LRRC8C: variants seen among roughly 807,000 people sequenced by gnomAD.
The protein encoded by LRRC8C is leucine rich repeat containing 8 VRAC subunit C.
A neutral mutation model predicts 55.3 loss-of-function variants in LRRC8C; 20 were observed. That is an observed-to-expected ratio of 0.36 (90% confidence interval 0.25 to 0.53). The LOEUF is 0.53. LRRC8C is among the 20% of genes least tolerant of loss of function. The pLI, the probability that LRRC8C is intolerant of heterozygous loss-of-function variation, is 0.92. For synonymous variants in LRRC8C, 376 were observed against 360.7 expected (o/e 1.04, Z -0.48); for missense variants, 659 against 951.4 (o/e 0.69, Z 4.04).
rs1437490156 is a variant in LRRC8C, at chr1:89,694,587, T to TC, written c.138+7976_138+7977insC. Among the ~76,000 whole-genome samples, 49 of 137,098 alleles carry TC rather than the reference T, an allele frequency of 3.6e-4. No individual in the cohort carries two copies. In the East Asian group the frequency reaches 6.4e-3, roughly 18 times the overall value. The allele number at this position is 137,098 out of a possible 152,430, so 89.9% of individuals were successfully genotyped here. On this transcript the variant is annotated intron_variant, in intron 2 of 2. Coordinates refer to ENST00000370454, the MANE Select transcript of LRRC8C (RefSeq NM_032270.5). Reference sequence around the variant, plus strand: ...GTGCGTGACACCATGCCCAGCTTCTTTTTTTTTTTTTTTTTTTTTTGAGAT... The same window carrying TC: ...GTGCGTGACACCATGCCCAGCTTCTTCTTTTTTTTTTTTTTTTTTTTGAGAT...
At position 89,713,705 on chromosome 1, in the gene LRRC8C, C is replaced by T; in HGVS notation, c.1135C>T (p.Gln379Ter). ...TGCTTTTATGCTTCATATGATAGAT[C>T]AGTATGACCCTCTCTATTCCAAGAG... ...DFAFMLHMID[Q>*]YDPLYSKRFA... The change falls in exon 3 of 3, where the codon CAG (glutamine) becomes TAG (stop). Residue 379 changes from glutamine (Q) to a stop codon, truncating the protein, a stop_gained. Transcript: ENST00000370454. LOFTEE classifies it high-confidence loss of function. The surrounding 1 kb of genome is among the most constrained non-coding windows in gnomAD (Gnocchi z 5.2). 1 of 1,614,136 alleles carries T rather than the reference C, an allele frequency of 6.2e-7. No individual in the cohort carries two copies. Among genetic ancestry groups the T allele is most frequent in the Non-Finnish European group, 8.5e-7 (1 of 1,180,016 alleles).
At chr1:89,637,899 G>A (rs1226048655) in intron 1 of LRRC8C, among the ~76,000 whole-genome samples, 2 of 152,082 alleles carry the variant, frequency 1.3e-5, no homozygotes, top group African/African-American at 2.4e-5. Flanking sequence ...TCTGGTATTC[G>A]ATGGGTGTTC....
Position 89,670,822 on chromosome 1 carries a change from G to A in LRRC8C, c.-4-15648G>A, listed in dbSNP as rs1657392985. ...TTTCTGTTTTCATATCTTCATCCCA[G>A]GGCAGTCCCATGCTTGGTTTTATAC... On this transcript the variant is annotated intron_variant, in intron 1 of 2. Coordinates refer to ENST00000370454, the MANE Select transcript of LRRC8C (RefSeq NM_032270.5). 2.6e-5 allele frequency among the ~76,000 whole-genome samples: 4 copies of A among 152,068 alleles called. No homozygotes were observed. The South Asian group carries it at 8.3e-4, about 32-fold the overall frequency.
At chr1:89,682,648 G>A (rs992236443) in intron 1 of LRRC8C, among the ~76,000 whole-genome samples, 2 of 152,200 alleles carry the variant, frequency 1.3e-5, no homozygotes, top group African/African-American at 4.8e-5. Flanking sequence ...GCACTAGACT[G>A]TGCTGAAGGG....
intron 1 of LRRC8C, among the ~76,000 whole-genome samples, chr1:89,674,468 T>C (rs1343670836): frequency 1.3e-5 from 2 of 152,228 alleles, no homozygotes; most frequent in Non-Finnish European, 2.9e-5. Flanking sequence ...ATGTTAAATA[T>C]AGAGCCAAAC....
chr1:89,661,892 T>C (rs939544787), intron 1 of LRRC8C, among the ~76,000 whole-genome samples: 2 of 151,932 alleles, frequency 1.3e-5, no homozygotes, highest in Non-Finnish European at 2.9e-5. Flanking sequence ...GGAGTAGTGA[T>C]AGAAATGGTG....
rs1328064529 is a variant in LRRC8C at position 89,689,938 on chromosome 1, CT to C, written c.138+3328del. Among the ~76,000 whole-genome samples the C allele has an allele frequency of 1.1e-4, 17 of 150,196 alleles. No homozygotes were observed. The East Asian group carries it at 2.7e-3, about 24-fold the overall frequency. ...CCTGGGTGACAAAGCAAGACTCCGT[CT>C]CAAAAAAAAAAAGAGAGAAATCAAG... On this transcript the variant is annotated intron_variant, in intron 2 of 2. Coordinates refer to ENST00000370454, the MANE Select transcript of LRRC8C (RefSeq NM_032270.5).
At chr1:89,675,037 C>T (rs1657515314) in intron 1 of LRRC8C, among the ~76,000 whole-genome samples, 1 of 152,142 alleles carries the variant, frequency 6.6e-6, no homozygotes, top group African/African-American at 2.4e-5. Flanking sequence ...GTTGCTTTAG[C>T]TTCCTTGTCA....
upstream of LRRC8C, among the ~76,000 whole-genome samples, chr1:89,631,341 T>A (rs1656102887): frequency 6.6e-6 from 1 of 152,092 alleles, no homozygotes; most frequent in African/African-American, 2.4e-5. Context: ...GAGTACAAAG[T>A]CTAAGGTTCA....
chr1:89,674,729 G>A (rs1657508611), intron 1 of LRRC8C, among the ~76,000 whole-genome samples: 1 of 152,126 alleles, frequency 6.6e-6, no homozygotes, highest in Non-Finnish European at 1.5e-5. Flanking sequence ...AAGCTCCAAA[G>A]ATAATTAGTC....
chr1:89,714,811 A>G lies in LRRC8C; in HGVS notation c.2241A>G (p.Lys747=), dbSNP rs937712581. 6.8e-6 allele frequency: 11 copies of G among 1,613,970 alleles called. No individual in the cohort carries two copies. Among genetic ancestry groups the G allele is most frequent in the Non-Finnish European group, 9.3e-6 (11 of 1,180,012 alleles). The change falls in exon 3 of 3, where the codon AAA becomes AAG. Residue 747 remains lysine, a synonymous_variant. Coordinates refer to ENST00000370454, the MANE Select transcript of LRRC8C (RefSeq NM_032270.5). The surrounding 1 kb of genome is among the most constrained non-coding windows in gnomAD (Gnocchi z 4.6). ...ACAGCCTATCTGTACTTTCACCGAA[A>G]ATTGGAAATTTGCTATTTCTTTCCT... is the stretch of plus-strand genomic sequence containing the variant. ...GKNSLSVLSP[K]IGNLLFLSYL...
chr1:89,710,457 A>T (rs909342149), intron 2 of LRRC8C, among the ~76,000 whole-genome samples: 1 of 152,202 alleles, frequency 6.6e-6, no homozygotes, highest in Admixed American at 6.5e-5. Context: ...TATTTGACAT[A>T]TTGATTGATG....
At chr1:89,637,719 T>C (rs1656329432) in intron 1 of LRRC8C, among the ~76,000 whole-genome samples, 1 of 152,100 alleles carries the variant, frequency 6.6e-6, no homozygotes, top group South Asian at 2.1e-4. Flanking sequence ...AGAACTTTGT[T>C]TGAAATACAT....
rs1658870724 is a variant in LRRC8C at position 89,717,879 on chromosome 1, T to C, written c.*2897T>C. 1 of 152,168 alleles carries C rather than the reference T, an allele frequency of 6.6e-6. No individual in the cohort carries two copies. Among genetic ancestry groups the C allele is most frequent in the Admixed American group, 6.6e-5 (1 of 15,262 alleles). The allele number at this position is 152,168 out of a possible 1,614,324, so 9.4% of individuals were successfully genotyped here. ...CTCTATAGGACTCATGAGAGATTGC[T>C]TGTGTAAATATAAAAGCACCATATG... On this transcript the variant is annotated 3_prime_UTR_variant, in exon 3 of 3. Coordinates refer to ENST00000370454, the MANE Select transcript of LRRC8C (RefSeq NM_032270.5).
At chr1:89,680,478 T>C (rs1319358274) in intron 1 of LRRC8C, among the ~76,000 whole-genome samples, 3 of 151,260 alleles carry the variant, frequency 2.0e-5, no homozygotes, top group African/African-American at 2.5e-5. Flanking sequence ...TTTTTTTTTT[T>C]CTGGTCTGGA....
At chr1:89,680,726 A>C (rs897860246) in intron 1 of LRRC8C, among the ~76,000 whole-genome samples, 8 of 151,870 alleles carry the variant, frequency 5.3e-5, no homozygotes, top group African/African-American at 1.9e-4. Flanking sequence ...ACATCTGGCT[A>C]AGTTTTGTAT....
intron 1 of LRRC8C, among the ~76,000 whole-genome samples, chr1:89,681,060 T>C (rs1293141556): frequency 2.6e-5 from 4 of 152,198 alleles, no homozygotes; most frequent in Non-Finnish European, 5.9e-5. Context: ...TTGGAGGAAA[T>C]ATAAAATAGA....
chr1:89,639,336 TCAC>T (rs959577238), intron 1 of LRRC8C, among the ~76,000 whole-genome samples: 2 of 151,980 alleles, frequency 1.3e-5, no homozygotes, highest in African/African-American at 4.8e-5. Context: ...AGATTTCAGT[TCAC>T]AACAAGTAGA....
intron 2 of LRRC8C, among the ~76,000 whole-genome samples, chr1:89,690,460 A>G (rs983084410): frequency 6.6e-6 from 1 of 152,166 alleles, no homozygotes; most frequent in African/African-American, 2.4e-5. Context: ...TGTCTTTATT[A>G]CTGTGCCATG....
Sources: gnomAD v4.1 joint callset for allele counts (sites outside exome capture counted in the v4.1 genomes callset) on GRCh38, gnomAD v4.1.1 for gene constraint, Gnocchi (gnomAD v3.1) non-coding constraint, MANE v1.5 for transcripts, NCBI Gene and HGNC (gene_info 2026-07-23, HGNC 2026-07-21) for gene names.